Variants in PRKAR1B observed in about 807,000 individuals in gnomAD.
PRKAR1B encodes cAMP-dependent protein kinase type I-beta regulatory subunit.
In PRKAR1B, 22 loss-of-function variants were observed where a neutral mutation model predicts 46.5. The observed-to-expected ratio is 0.47, with a 90% CI of 0.34 to 0.68. The LOEUF (loss-of-function observed/expected upper bound fraction) is 0.68. Among genes scored for constraint, PRKAR1B ranks in the 30% least tolerant of loss-of-function variants. The probability of loss-of-function intolerance (pLI) is 0.01; values close to 1 mark genes in which losing one functional copy is unlikely to be tolerated. For missense variants in PRKAR1B, 445 were observed against 535.6 expected, an observed-to-expected ratio of 0.83 and a Z score of 1.67; for synonymous variants, 259 against 217.7, an observed-to-expected ratio of 1.19 and a Z score of -1.67.
intron 9 of PRKAR1B, among the ~76,000 whole-genome samples, chr7:571,836 C>CT (rs1779532289): frequency 6.6e-6 from 1 of 152,228 alleles, no homozygotes; most frequent in Non-Finnish European, 1.5e-5. Flanking sequence ...ACTTTCCCGT[C>CT]CGCGGTGAGG....
intron 9 of PRKAR1B, chr7:562,041 G>A (rs1778836847): frequency 6.6e-6 from 1 of 152,502 alleles, no homozygotes. Flanking sequence ...CGGGGGGTGG[G>A]GGTGACGAGA....
intron 7 of PRKAR1B, among the ~76,000 whole-genome samples, chr7:587,939 G>A (rs919008282): frequency 9.9e-5 from 15 of 152,240 alleles, no homozygotes; most frequent in South Asian, 4.1e-4. Flanking sequence ...GGAATGGCGC[G>A]CAAGTCCCCG....
chr7:650,099 T>C (rs1258246019), intron 4 of PRKAR1B, among the ~76,000 whole-genome samples: 1 of 151,730 alleles, frequency 6.6e-6, no homozygotes, highest in Non-Finnish European at 1.5e-5. Flanking sequence ...ATTACAGGCA[T>C]CAGCCATCAT....
At chr7:609,726 T>C (rs1479533297) in intron 4 of PRKAR1B, among the ~76,000 whole-genome samples, 1 of 152,212 alleles carries the variant, frequency 6.6e-6, no homozygotes, top group Non-Finnish European at 1.5e-5. Flanking sequence ...TTGCTCCTTT[T>C]ACAGCTGCCT....
chr7:713,715 C>G (rs1373323361), intron 1 of PRKAR1B, among the ~76,000 whole-genome samples: 1 of 152,240 alleles, frequency 6.6e-6, no homozygotes, highest in African/African-American at 2.4e-5. Flanking sequence ...CATTGCTCAG[C>G]TGTCTCCCAC....
At chr7:618,358 T>C (rs937370552) in intron 4 of PRKAR1B, among the ~76,000 whole-genome samples, 3 of 152,212 alleles carry the variant, frequency 2.0e-5, no homozygotes, top group African/African-American at 7.2e-5. Context: ...CTCTGTGATC[T>C]GTTCTTGTTT....
At position 550,073 on chromosome 7, in the gene PRKAR1B, G is replaced by A. The variant is rs543228541; in HGVS notation, c.*357C>T. 353 of 270,046 alleles carry A rather than the reference G, an allele frequency of 1.3e-3. 2 individuals are homozygous for A. The highest frequency in any genetic ancestry group is 1.9e-3 in the Non-Finnish European group (267 of 140,162). 16.7% of individuals were successfully genotyped at this position (270,046 alleles called of 1,614,324 possible). A position where few individuals can be genotyped will look rare whatever the true frequency, so the allele number is the denominator to read the frequency against. Reference sequence around the variant, plus strand: ...AGGGTCACCAGGCCCCAGGGGCAACGTCCTGGCCTGGTTCTGGGGAGGACC... The same window carrying A: ...AGGGTCACCAGGCCCCAGGGGCAACATCCTGGCCTGGTTCTGGGGAGGACC... On this transcript the variant is annotated 3_prime_UTR_variant, in exon 11 of 11. Transcript: ENST00000537384.
intron 1 of PRKAR1B, among the ~76,000 whole-genome samples, chr7:717,465 T>G (rs1780921646): frequency 6.6e-6 from 1 of 152,078 alleles, no homozygotes; most frequent in Non-Finnish European, 1.5e-5. Flanking sequence ...AAGACCCATC[T>G]GGGCAACAGA....
At chr7:627,155 TTTTA>T (rs1287933673) in intron 4 of PRKAR1B, among the ~76,000 whole-genome samples, 2 of 152,008 alleles carry the variant, frequency 1.3e-5, no homozygotes, top group East Asian at 1.9e-4. Flanking sequence ...TTACAGGCAT[TTTTA>T]TTTATTTATT....
Position 560,853 on chromosome 7 carries a change from G to A in PRKAR1B, c.892-9383C>T, listed in dbSNP as rs1778739127. Among the ~76,000 whole-genome samples, 1 of 152,214 alleles carries A rather than the reference G, an allele frequency of 6.6e-6. No homozygotes were observed. On this transcript the variant is annotated intron_variant, in intron 9 of 10. Transcript: ENST00000537384. This position sits in a 1 kb window ranked among gnomAD's most constrained non-coding sequence, Gnocchi z 4.2. ...ACGTAAGAGTGGACAGACACCAAAT[G>A]CCTTCTCAGGGCCACGGGGGCCACG... is the stretch of plus-strand genomic sequence containing the variant.
At chr7:660,876 G>C (rs1482707045) in intron 4 of PRKAR1B, among the ~76,000 whole-genome samples, 2 of 120,422 alleles carry the variant, frequency 1.7e-5, no homozygotes, top group African/African-American at 6.7e-5. Flanking sequence ...CCATGGCACA[G>C]GTCCCTACTC....
chr7:610,152 T>C (rs900411109), intron 4 of PRKAR1B, among the ~76,000 whole-genome samples: 2 of 152,318 alleles, frequency 1.3e-5, no homozygotes, highest in African/African-American at 2.4e-5. Context: ...ACGATGGACA[T>C]GACAGAACTC....
intron 1 of PRKAR1B, 117 bp downstream of exon 1, chr7:727,093 T>C: frequency 2.8e-6 from 3 of 1,058,486 alleles, no homozygotes; most frequent in Non-Finnish European, 3.4e-6. Flanking sequence ...CGCCGCGCGC[T>C]TGGCCGGCCC....
Position 551,533 on chromosome 7 carries a change from AGGGGTCACCCCACAG to A in PRKAR1B, c.892-78_892-64del, listed in dbSNP as rs1308429844. Reference sequence around the variant, plus strand: ...GCGGGTGCAGGGTGGGACACACGTGAGGGGTCACCCCACAGGGGGTCACCACCCAAACCCCCACCT... The same window carrying A: ...GCGGGTGCAGGGTGGGACACACGTGAGGGGTCACCACCCAAACCCCCACCT... On this transcript the variant is annotated intron_variant, in intron 9 of 10. Transcript: ENST00000537384. 7 of 1,496,370 alleles carry A rather than the reference AGGGGTCACCCCACAG, an allele frequency of 4.7e-6. No homozygotes were observed. The African/African-American group carries it at 8.3e-5, about 18-fold the overall frequency. The allele number at this position is 1,496,370 out of a possible 1,614,324, so 92.7% of individuals were successfully genotyped here.
chr7:628,714 C>T (rs1046272664), intron 4 of PRKAR1B, among the ~76,000 whole-genome samples: 4 of 152,222 alleles, frequency 2.6e-5, no homozygotes, highest in Admixed American at 6.5e-5. Flanking sequence ...AGGGCAACCC[C>T]GCCTACCCCG....
intron 2 of PRKAR1B, among the ~76,000 whole-genome samples, chr7:687,071 T>A (rs947503423): frequency 6.6e-6 from 1 of 152,230 alleles, no homozygotes; most frequent in African/African-American, 2.4e-5. Context: ...CCAGGATTAC[T>A]AGCACCCCTA....
Position 680,613 on chromosome 7 carries a change from T to G in PRKAR1B, c.291A>C (p.Arg97=). 2.5e-6 allele frequency: 4 copies of G among 1,571,572 alleles called. No individual in the cohort carries two copies. The highest frequency in any genetic ancestry group is 3.5e-6 in the Non-Finnish European group (4 of 1,157,482). Reference sequence around the variant, plus strand: ...TGTACACCTCGGCACTCACGCCTCCTCGCCGGCGGCGGGCCTTCACCACAG... The same window carrying G: ...TGTACACCTCGGCACTCACGCCTCCGCGCCGGCGGCGGGCCTTCACCACAG... The part of the protein sequence containing the change: ...PNPVVKARRR[R]GGVSAEVYTE... Residue 97 remains arginine (R), a synonymous_variant, in exon 3 of 11, where the codon CGA becomes CGC. Coordinates refer to ENST00000537384, the MANE Select transcript of PRKAR1B (RefSeq NM_001164760.2).
intron 6 of PRKAR1B, among the ~76,000 whole-genome samples, chr7:605,748 G>T (rs1482624595): frequency 2.6e-5 from 4 of 152,174 alleles, no homozygotes; most frequent in Non-Finnish European, 5.9e-5. Flanking sequence ...GGCGCAAAAG[G>T]CAGCCGTTGT....
At chr7:627,662 G>A (rs1783487091) in intron 4 of PRKAR1B, among the ~76,000 whole-genome samples, 1 of 152,130 alleles carries the variant, frequency 6.6e-6, no homozygotes, top group African/African-American at 2.4e-5. Context: ...CCTAAGGAGG[G>A]CACCAACACC....
Sources: gnomAD v4.1 joint callset for allele counts (sites outside exome capture counted in the v4.1 genomes callset) on GRCh38, gnomAD v4.1.1 for gene constraint, Gnocchi (gnomAD v3.1) non-coding constraint, MANE v1.5 for transcripts, NCBI Gene and HGNC (gene_info 2026-07-23, HGNC 2026-07-21) for gene names.